Variants in PLAUR observed in about 807,000 individuals in gnomAD.
The protein encoded by PLAUR is plasminogen activator, urokinase receptor.
PLAUR carries 22 observed loss-of-function variants against 33.4 expected under a neutral mutation model. The ratio of observed to expected loss-of-function variants is 0.66; its 90% CI spans 0.47 to 0.94. The LOEUF is 0.94. PLAUR is among the 40% of genes least tolerant of loss of function. PLAUR has a pLI of 0.00. For synonymous variants in PLAUR, 148 were observed against 167.3 expected (o/e 0.88, Z 0.89); for missense variants, 408 against 434.7 (o/e 0.94, Z 0.55).
chr19:43,647,968 A>C (rs1212535256), downstream of PLAUR, among the ~76,000 whole-genome samples: 1 of 136,314 alleles, frequency 7.3e-6, no homozygotes, highest in Non-Finnish European at 1.5e-5. Context: ...CAGACTAAGG[A>C]TATTTAAGAG....
In PLAUR at chr19:43,655,459, G is replaced by C. The variant is rs1974168089; in HGVS notation, c.587C>G (p.Thr196Ser). The C allele has an allele frequency of 6.2e-7, 1 of 1,614,058 alleles. No homozygotes were observed. Among genetic ancestry groups the C allele is most frequent in the Non-Finnish European group, 8.5e-7 (1 of 1,180,024 alleles). The stretch of plus-strand genomic sequence containing the variant: ...CTTACTTGGGCCCTCGTTGCATTTG[G>C]TGGTGTTGCAGCATTTCAGGAAGTG... ...TFHFLKCCNT[T>S]KCNEGPILEL... is the part of the protein sequence containing the mutation. Residue 196 changes from threonine to serine, a missense_variant, in exon 5 of 7, where the codon ACC (threonine) becomes AGC (serine). Thr to Ser is a moderately conservative substitution (Grantham distance 58). Coordinates refer to ENST00000340093, the MANE Select transcript of PLAUR (RefSeq NM_002659.4).
rs565349102 is a variant in PLAUR at position 43,655,687 on chromosome 19, G to C, written c.473-114C>G. ...TTCTCTACTTCACCCTTCATCATAA[G>C]ACCCTCATTTTATCTAGAACAGTCA... On this transcript the variant is annotated intron_variant, in intron 4 of 6. Transcript: ENST00000340093. 11 of 912,470 alleles carry C rather than the reference G, an allele frequency of 1.2e-5. No individual in the cohort carries two copies. The African/African-American group carries it at 1.8e-4, about 15-fold the overall frequency. The allele number at this position is 912,470 out of a possible 1,614,324, so 56.5% of individuals were successfully genotyped here. A position where few individuals can be genotyped will look rare whatever the true frequency, so the allele number is the denominator to read the frequency against.
At chr19:43,652,011 C>G (rs746717307) in intron 6 of PLAUR, 8 of 1,328,954 alleles carry the variant, frequency 6.0e-6, no homozygotes, top group East Asian at 6.1e-5. Context: ...AGCCACCGCA[C>G]CCAGCCGGAA....
rs530787123 is a variant in PLAUR at position 43,665,422 on chromosome 19, G to T, written c.204C>A (p.Thr68=). 5 of 1,613,214 alleles carry T rather than the reference G, an allele frequency of 3.1e-6. No individual in the cohort carries two copies. The South Asian group carries it at 3.3e-5, about 11-fold the overall frequency. The change falls in exon 3 of 7, where the codon ACC becomes ACA. Residue 68 remains threonine, a synonymous_variant. Transcript: ENST00000340093. The part of the protein sequence containing the change: ...EELELVEKSC[T]HSEKTNRTLS... Reference sequence around the variant, plus strand: ...GGGTCCTGTTGGTCTTCTCTGAGTGGGTACAGCTTTTCTCCACCAGCTCCA... The same window carrying T: ...GGGTCCTGTTGGTCTTCTCTGAGTGTGTACAGCTTTTCTCCACCAGCTCCA...
Position 43,649,091 on chromosome 19 carries a change from G to A in PLAUR, c.807C>T (p.Cys269=). The part of the protein sequence containing the change: ...MVRGCATASM[C]QHAHLGDAFS... ...AGGCGTCACCCAGGTGGGCATGTTG[G>A]CACATTGAGGCGGTTGCACAGCCTC... is the stretch of plus-strand genomic sequence containing the variant. The change falls in exon 7 of 7, where the codon TGC becomes TGT. Residue 269 remains cysteine, a synonymous_variant. Transcript: ENST00000340093. The A allele has an allele frequency of 6.2e-7, 1 of 1,614,166 alleles. No individual in the cohort carries two copies. Among genetic ancestry groups the A allele is most frequent in the African/African-American group, 1.3e-5 (1 of 75,066 alleles).
At chr19:43,656,980 G>T (rs1482155697) in intron 3 of PLAUR, among the ~76,000 whole-genome samples, 9 of 138,202 alleles carry the variant, frequency 6.5e-5, no homozygotes, top group Non-Finnish European at 1.1e-4. Flanking sequence ...GTCTCACTCC[G>T]TCACCCAGGC....
intron 3 of PLAUR, among the ~76,000 whole-genome samples, chr19:43,662,768 A>T (rs1967060709): frequency 6.6e-6 from 1 of 150,914 alleles, no homozygotes; most frequent in South Asian, 2.1e-4. Flanking sequence ...AGGCTGGGGT[A>T]CAGTGGTGCG....
chr19:43,649,248 A>C, intron 6 of PLAUR, 105 bp from the exon 7 acceptor site: 1 of 1,285,648 alleles, frequency 7.8e-7, no homozygotes, highest in Non-Finnish European at 1.1e-6. Context: ...CTTCACTACC[A>C]CCTAGAGAAA....
At position 43,656,479 on chromosome 19, in the gene PLAUR, C is replaced by T. The variant is rs1268148101; in HGVS notation, c.472G>A (p.Gly158Arg). 1 of 1,581,468 alleles carries T rather than the reference C, an allele frequency of 6.3e-7. No individual in the cohort carries two copies. The highest frequency in any genetic ancestry group is 8.6e-7 in the Non-Finnish European group (1 of 1,159,996). The change falls in exon 4 of 7, where the codon GGG becomes AGG. Residue 158 changes from glycine to arginine, a missense_variant and splice_region_variant. Physicochemically the swap from Gly to Arg is moderately radical, Grantham distance 125 (BLOSUM62 -2). Transcript: ENST00000340093. ...GAGTTGCCAGCAGGTTGGGGCTCAC[C>T]TTCTTCACCTTCCTGGATCCAGTGG... ...VTHWIQEGEE[G>R]RPKDDRHLRG... is the part of the protein sequence containing the mutation.
intron 3 of PLAUR, among the ~76,000 whole-genome samples, chr19:43,657,697 C>A (rs750034197): frequency 2.0e-5 from 3 of 152,210 alleles, no homozygotes; most frequent in Non-Finnish European, 4.4e-5. Flanking sequence ...GGACTGTGAG[C>A]CCCCAGGAGG....
At chr19:43,662,989 C>T (rs1233348745) in intron 3 of PLAUR, among the ~76,000 whole-genome samples, 1 of 152,130 alleles carries the variant, frequency 6.6e-6, no homozygotes, top group Non-Finnish European at 1.5e-5. Context: ...CTGCACCCAG[C>T]CTCCATTAGC....
Position 43,652,264 on chromosome 19 carries a change from C to T in PLAUR, c.715G>A (p.Gly239Ser). ...GCTACCAGACATTGATTCATGGGGCCTCGGCAGTCAATGAGGAAAGTCTCT... is the reference window on the plus strand; with the variant it reads ...GCTACCAGACATTGATTCATGGGGCTTCGGCAGTCAATGAGGAAAGTCTCT... ...SEETFLIDCR[G>S]PMNQCLVATG... Residue 239 changes from glycine to serine, a missense_variant, in exon 6 of 7, where the codon GGC (glycine) becomes AGC (serine). Coordinates refer to ENST00000340093, the MANE Select transcript of PLAUR (RefSeq NM_002659.4). 3 of 1,614,104 alleles carry T rather than the reference C, an allele frequency of 1.9e-6. No individual in the cohort carries two copies. Among genetic ancestry groups the T allele is most frequent in the Non-Finnish European group, 2.5e-6 (3 of 1,180,006 alleles).
chr19:43,670,065 C>T lies in PLAUR; in HGVS notation c.55+1G>A, dbSNP rs1286952600. 2 of 1,613,304 alleles carry T rather than the reference C, an allele frequency of 1.2e-6. No individual in the cohort carries two copies. The highest frequency in any genetic ancestry group is 2.2e-5 in the South Asian group (2 of 91,038). The stretch of plus-strand genomic sequence containing the variant: ...GCAGGCGTTCGGGACCCAGCCCCTA[C>T]CTGGGACGCAGGTGTGGAGCAGCAG... On this transcript the variant is annotated splice_donor_variant, in intron 1 of 6. Transcript: ENST00000340093. LOFTEE classifies it high-confidence loss of function.
At chr19:43,647,535 G>A (rs4251937), downstream of PLAUR, among the ~76,000 whole-genome samples, 4,674 of 152,216 alleles carry the variant, frequency 0.031, 113 homozygotes, top group African/African-American at 0.065. Context: ...GGCCAGGCAC[G>A]GTGGCTCATG....
At chr19:43,655,073 C>G (rs571030209) in intron 5 of PLAUR, among the ~76,000 whole-genome samples, 110 of 151,878 alleles carry the variant, frequency 7.2e-4, no homozygotes, top group African/African-American at 2.6e-3. Flanking sequence ...GTCAGGAGTT[C>G]GAGACCAGCC....
downstream of PLAUR, among the ~76,000 whole-genome samples, chr19:43,648,192 T>C (rs1373576347): frequency 6.6e-6 from 1 of 152,040 alleles, no homozygotes; most frequent in Non-Finnish European, 1.5e-5. Flanking sequence ...TGATTTTTTT[T>C]TGAGACAGAG....
At position 43,665,345 on chromosome 19, in the gene PLAUR, C is replaced by T. The variant is rs150986089; in HGVS notation, c.281G>A (p.Gly94Glu). 2,108 of 1,613,966 alleles carry T rather than the reference C, an allele frequency of 1.3e-3. 3 individuals are homozygous for T. Among genetic ancestry groups the T allele is most frequent in the Non-Finnish European group, 1.6e-3 (1,934 of 1,180,006 alleles). Residue 94 changes from glycine to glutamate, a missense_variant, in exon 3 of 7, where the codon GGG (glycine) becomes GAG (glutamate). Gly to Glu is a moderately conservative substitution (Grantham distance 98). Transcript: ENST00000340093. Reference protein sequence around the residue: ...KITSLTEVVCGLDLCNQGNSG... With the variant: ...KITSLTEVVCELDLCNQGNSG... ...GTTGCCCTGGTTGCACAAGTCTAACCCACACACAACCTCGGTAAGGCTGGT... is the reference window on the plus strand; with the variant it reads ...GTTGCCCTGGTTGCACAAGTCTAACTCACACACAACCTCGGTAAGGCTGGT...
At chr19:43,662,900 G>A (rs1223723706) in intron 3 of PLAUR, among the ~76,000 whole-genome samples, 1 of 152,064 alleles carries the variant, frequency 6.6e-6, no homozygotes, top group Non-Finnish European at 1.5e-5. Context: ...TTTTTTTGTA[G>A]AGTCATGTTG....
chr19:43,654,154 A>G (rs149849221), intron 5 of PLAUR, among the ~76,000 whole-genome samples: 29 of 151,402 alleles, frequency 1.9e-4, no homozygotes, highest in African/African-American at 6.8e-4. Context: ...GCTGGGTGCA[A>G]TGATGCGCAT....
Sources: allele counts gnomAD v4.1 joint callset (sites outside exome capture counted in the v4.1 genomes callset), GRCh38; gene constraint gnomAD v4.1.1; transcripts MANE v1.5; gene names NCBI Gene and HGNC (gene_info 2026-07-23, HGNC 2026-07-21).